Variants in KCNIP4 observed in about 807,000 individuals in gnomAD.
KCNIP4 encodes potassium voltage-gated channel interacting protein 4.
KCNIP4 carries 12 observed loss-of-function variants against 34.0 expected under a neutral mutation model. That is an observed-to-expected ratio of 0.35 (90% CI 0.23 to 0.57). The LOEUF (loss-of-function observed/expected upper bound fraction) is 0.57, where lower values mean the gene tolerates loss of function less well. KCNIP4 is among the 20% of genes least tolerant of loss of function. KCNIP4 has a pLI of 0.83. For synonymous variants in KCNIP4, 124 were observed against 102.2 expected (o/e 1.21, Z -1.29); for missense variants, 238 against 311.7 (o/e 0.76, Z 1.78).
chr4:21,809,775 C>T (rs760136824), intron 1 of KCNIP4, among the ~76,000 whole-genome samples: 3 of 152,188 alleles, frequency 2.0e-5, no homozygotes, highest in African/African-American at 2.4e-5. Context: ...AAATGCTACT[C>T]TAATGATTTG....
At chr4:21,089,689 T>A (rs1746806376) in intron 1 of KCNIP4, among the ~76,000 whole-genome samples, 1 of 152,202 alleles carries the variant, frequency 6.6e-6, no homozygotes. Flanking sequence ...CTCTCTCTAC[T>A]GGGTGGTCCC....
chr4:21,014,912 C>T lies in KCNIP4; in HGVS notation c.62-132203G>A, dbSNP rs147035041. On this transcript the variant is annotated intron_variant, in intron 1 of 8. Coordinates refer to ENST00000382152, the MANE Select transcript of KCNIP4 (RefSeq NM_025221.6). The stretch of plus-strand genomic sequence containing the variant: ...AACAAAATATGGCATAATATACATA[C>T]AATGGAATATTATTTAGCCTTAAAA... Among the ~76,000 whole-genome samples, 570 of 152,206 alleles carry T rather than the reference C, an allele frequency of 3.7e-3. 5 individuals are homozygous for T. Among genetic ancestry groups the T allele is most frequent in the African/African-American group, 0.013 (543 of 41,534 alleles).
intron 1 of KCNIP4, among the ~76,000 whole-genome samples, chr4:21,578,317 A>G (rs1440383329): frequency 8.2e-6 from 1 of 121,972 alleles, no homozygotes; most frequent in Non-Finnish European, 1.6e-5. Context: ...TGGGTGACAG[A>G]GCGAGACTCC....
chr4:21,294,606 T>C (rs1277031235), intron 1 of KCNIP4, among the ~76,000 whole-genome samples: 6 of 152,156 alleles, frequency 3.9e-5, no homozygotes, highest in African/African-American at 1.4e-4. Flanking sequence ...ACTACAAATA[T>C]GTAAAATGGT....
chr4:20,901,231 A>C (rs1451528407), intron 1 of KCNIP4, among the ~76,000 whole-genome samples: 3 of 152,228 alleles, frequency 2.0e-5, no homozygotes, highest in Admixed American at 1.3e-4. Flanking sequence ...GAAACAGAAA[A>C]TGTTAAAGCT....
At position 21,326,626 on chromosome 4, in the gene KCNIP4, C is replaced by A. The variant is rs1715093333; in HGVS notation, c.62-443917G>T. ...CTGTCTTTTGATTGGATAATTTAAT[C>A]CATTTACATTCAAGGTTATCATTGA... On this transcript the variant is annotated intron_variant, in intron 1 of 8. Coordinates refer to ENST00000382152, the MANE Select transcript of KCNIP4 (RefSeq NM_025221.6). 3.3e-5 allele frequency among the ~76,000 whole-genome samples: 5 copies of A among 151,548 alleles called. No individual in the cohort carries two copies. The South Asian group carries it at 1.0e-3, about 32-fold the overall frequency.
intron 1 of KCNIP4, among the ~76,000 whole-genome samples, chr4:21,003,886 A>G (rs1011633676): frequency 2.6e-5 from 4 of 152,180 alleles, no homozygotes; most frequent in African/African-American, 7.2e-5. Flanking sequence ...GGGGGTCTGG[A>G]ATCGCATGAT....
At chr4:21,436,082 C>G (rs1726921220) in intron 1 of KCNIP4, among the ~76,000 whole-genome samples, 1 of 152,178 alleles carries the variant, frequency 6.6e-6, no homozygotes, top group Admixed American at 6.5e-5. Flanking sequence ...CGGCACATTT[C>G]TCTACTTAAA....
At chr4:20,786,041 A>C (rs1469623605) in intron 3 of KCNIP4, among the ~76,000 whole-genome samples, 1 of 152,192 alleles carries the variant, frequency 6.6e-6, no homozygotes, top group African/African-American at 2.4e-5. Context: ...AAGACGTGGA[A>C]TCAACCTAGG....
At chr4:21,595,635 C>A (rs1742588356) in intron 1 of KCNIP4, among the ~76,000 whole-genome samples, 1 of 152,068 alleles carries the variant, frequency 6.6e-6, no homozygotes, top group South Asian at 2.1e-4. Context: ...TATTTCTCCT[C>A]TTCTTCTCCA....
chr4:21,305,093 A>G (rs1225721502), intron 1 of KCNIP4, among the ~76,000 whole-genome samples: 1 of 152,168 alleles, frequency 6.6e-6, no homozygotes, highest in Non-Finnish European at 1.5e-5. Context: ...TACAGAATTT[A>G]AAAAAACTAC....
At chr4:21,383,463 A>G (rs1369992522) in intron 1 of KCNIP4, among the ~76,000 whole-genome samples, 7 of 144,950 alleles carry the variant, frequency 4.8e-5, no homozygotes, top group African/African-American at 1.5e-4. Context: ...GGAGAAATGT[A>G]TCTCTATGTT....
intron 5 of KCNIP4, among the ~76,000 whole-genome samples, chr4:20,741,449 C>A (rs1047501490): frequency 6.6e-6 from 1 of 152,190 alleles, no homozygotes; most frequent in Non-Finnish European, 1.5e-5. Flanking sequence ...GGAAACTGAA[C>A]AACCTGCTCC....
intron 1 of KCNIP4, among the ~76,000 whole-genome samples, chr4:21,071,297 A>G (rs948608440): frequency 1.3e-5 from 2 of 152,136 alleles, no homozygotes; most frequent in South Asian, 4.1e-4. Flanking sequence ...ATTGAGGTTC[A>G]TTCTGTTTGT....
intron 1 of KCNIP4, among the ~76,000 whole-genome samples, chr4:21,643,867 T>C (rs1746803608): frequency 7.8e-6 from 1 of 128,470 alleles, no homozygotes; most frequent in Admixed American, 7.9e-5. Flanking sequence ...GTGATGATGA[T>C]GATGATAGAT....
intron 1 of KCNIP4, among the ~76,000 whole-genome samples, chr4:21,054,466 C>T (rs969600061): frequency 2.7e-5 from 4 of 148,944 alleles, no homozygotes; most frequent in African/African-American, 9.9e-5. Context: ...TTGCAGAGAG[C>T]AGAGATCACA....
intron 2 of KCNIP4, among the ~76,000 whole-genome samples, chr4:20,875,508 T>G (rs1433690530): frequency 6.6e-6 from 1 of 152,188 alleles, no homozygotes; most frequent in Non-Finnish European, 1.5e-5. Flanking sequence ...AAAAATAACA[T>G]CTGAGGGTTT....
chr4:21,280,872 G>A (rs937193686), intron 1 of KCNIP4, among the ~76,000 whole-genome samples: 7 of 152,116 alleles, frequency 4.6e-5, no homozygotes, highest in African/African-American at 1.7e-4. Flanking sequence ...ATAGTGGTTT[G>A]GGTTTCTTGC....
At chr4:21,466,192 T>C (rs1232804443) in intron 1 of KCNIP4, among the ~76,000 whole-genome samples, 3 of 152,092 alleles carry the variant, frequency 2.0e-5, no homozygotes, top group Admixed American at 6.5e-5. Context: ...GGTATTAAAA[T>C]CCCAAAACCC....
Sources: gnomAD v4.1 joint callset for allele counts (sites outside exome capture counted in the v4.1 genomes callset) on GRCh38, gnomAD v4.1.1 for gene constraint, MANE v1.5 for transcripts, NCBI Gene and HGNC (gene_info 2026-07-23, HGNC 2026-07-21) for gene names.